EYS: variants seen among roughly 807,000 people sequenced by gnomAD.
The protein encoded by EYS is EGF-like photoreceptor maintenance factor.
EYS carries 250 observed loss-of-function variants against 282.1 expected under a neutral mutation model. The ratio of observed to expected loss-of-function variants is 0.89; its 90% CI spans 0.80 to 0.98. EYS has a LOEUF of 0.98. Among genes scored for constraint, EYS ranks in the 50% least tolerant of loss-of-function variants. The probability of loss-of-function intolerance (pLI) is 0.00; values close to 1 mark genes in which losing one functional copy is unlikely to be tolerated. For synonymous variants in EYS, 1,355 were observed against 1,282.9 expected (o/e 1.06, Z -1.20); for missense variants, 4,016 against 3,709.0 (o/e 1.08, Z -2.15).
At chr6:64,159,843 T>A (rs1156673096) in intron 31 of EYS, among the ~76,000 whole-genome samples, 3 of 152,190 alleles carry the variant, frequency 2.0e-5, no homozygotes, top group African/African-American at 7.2e-5. Context: ...AGATAACACC[T>A]GGTTAAAGGT....
intron 33 of EYS, among the ~76,000 whole-genome samples, chr6:64,001,523 G>A (rs1768092709): frequency 6.6e-6 from 1 of 151,744 alleles, no homozygotes; most frequent in African/African-American, 2.4e-5. Context: ...CAATATTGGT[G>A]GAAACATTCT....
chr6:64,230,686 A>T lies in EYS; in HGVS notation c.6330T>A (p.Asn2110Lys). Residue 2110 changes from asparagine (N) to lysine (K), a missense_variant, in exon 31 of 43, where the codon AAT (asparagine) becomes AAA (lysine). Asn to Lys is a moderately conservative substitution (Grantham distance 94). Coordinates refer to ENST00000503581, the MANE Select transcript of EYS (RefSeq NM_001142800.2). Reference protein sequence around the residue: ...PSVCQQDVCHNGGTCHAIFLS... With the variant: ...PSVCQQDVCHKGGTCHAIFLS... ...GGAAGATGGCATGGCATGTGCCTCC[A>T]TTGTGGCATACATCCTGCTGGCACA... The T allele has an allele frequency of 6.4e-7, 1 of 1,551,608 alleles. No homozygotes were observed. The highest frequency in any genetic ancestry group is 1.2e-5 in the South Asian group (1 of 84,062).
chr6:65,628,471 C>G (rs1766797906), intron 2 of EYS, among the ~76,000 whole-genome samples: 1 of 152,178 alleles, frequency 6.6e-6, no homozygotes, highest in South Asian at 2.1e-4. Context: ...CTGGGGTCCC[C>G]TTCCACAGTG....
chr6:63,829,952 G>C (rs1345680964), intron 36 of EYS, among the ~76,000 whole-genome samples: 2 of 152,146 alleles, frequency 1.3e-5, no homozygotes, highest in Non-Finnish European at 2.9e-5. Context: ...AGGAAAACAG[G>C]GTCTGGAGTC....
At chr6:64,007,906 T>C (rs551582435) in intron 33 of EYS, among the ~76,000 whole-genome samples, 2 of 152,284 alleles carry the variant, frequency 1.3e-5, no homozygotes, top group Non-Finnish European at 2.9e-5. Flanking sequence ...TTATGGCCAA[T>C]TTTGTCATTT....
chr6:64,816,493 G>A (rs1028354272), intron 21 of EYS, among the ~76,000 whole-genome samples: 1 of 151,940 alleles, frequency 6.6e-6, no homozygotes, highest in Non-Finnish European at 1.5e-5. Flanking sequence ...CACTTGTTTT[G>A]CTCTTCTGAT....
At chr6:65,423,034 C>T (rs1767525667) in intron 5 of EYS, among the ~76,000 whole-genome samples, 2 of 151,478 alleles carry the variant, frequency 1.3e-5, no homozygotes, top group African/African-American at 2.4e-5. Context: ...ATTGCTAAAA[C>T]TAAACACAAC....
Position 64,881,717 on chromosome 6 carries a change from T to A in EYS, c.2992+4980A>T, listed in dbSNP as rs751193563. On this transcript the variant is annotated intron_variant, in intron 19 of 42. Transcript: ENST00000503581. ...TGCAATTGCATTCTGCGTCCATTCA[T>A]GGTTATAACTCAATAAAATAAGATA... Among the ~76,000 whole-genome samples, 9 of 151,908 alleles carry A rather than the reference T, an allele frequency of 5.9e-5. No homozygotes were observed. In the East Asian group the frequency reaches 1.2e-3, roughly 20 times the overall value.
chr6:64,585,708 G>A (rs961424949), intron 26 of EYS, among the ~76,000 whole-genome samples: 2 of 151,848 alleles, frequency 1.3e-5, no homozygotes. Context: ...GCATTTTCTG[G>A]AGCAATATAA....
rs1769414948 is a variant in EYS, at chr6:65,319,611, T to G, written c.1766+15369A>C. Reference sequence around the variant, plus strand: ...TGATGTCCAAACAGGAGTTTAAAATTTCTTCTGTATAATCATGGAACATTC... The same window carrying G: ...TGATGTCCAAACAGGAGTTTAAAATGTCTTCTGTATAATCATGGAACATTC... On this transcript the variant is annotated intron_variant, in intron 11 of 42. Coordinates refer to ENST00000503581, the MANE Select transcript of EYS (RefSeq NM_001142800.2). 2.0e-5 allele frequency among the ~76,000 whole-genome samples: 3 copies of G among 152,172 alleles called. No individual in the cohort carries two copies. In the South Asian group the frequency reaches 6.2e-4, roughly 31 times the overall value.
At chr6:64,394,577 T>C (rs1773289690) in intron 28 of EYS, among the ~76,000 whole-genome samples, 1 of 152,016 alleles carries the variant, frequency 6.6e-6, no homozygotes, top group South Asian at 2.1e-4. Flanking sequence ...TGGCTAGCCA[T>C]ATGTAGAAAG....
intron 24 of EYS, among the ~76,000 whole-genome samples, chr6:64,615,135 CTACACTCTATG>C (rs1767233632): frequency 6.6e-6 from 1 of 152,064 alleles, no homozygotes; most frequent in African/African-American, 2.4e-5. Context: ...TCATGTTCAC[CTACACTCTATG>C]TACACACTTC....
intron 12 of EYS, among the ~76,000 whole-genome samples, chr6:65,144,964 T>A (rs899918549): frequency 2.0e-5 from 3 of 151,848 alleles, no homozygotes; most frequent in African/African-American, 7.3e-5. Context: ...AGAGACGGGG[T>A]TTCACCATGT....
At chr6:64,257,964 T>A (rs901523563) in intron 30 of EYS, among the ~76,000 whole-genome samples, 4 of 151,978 alleles carry the variant, frequency 2.6e-5, no homozygotes, top group African/African-American at 9.7e-5. Flanking sequence ...TGAGATTCAG[T>A]GCAAGTTTTC....
Position 65,295,845 on chromosome 6 carries a change from A to AG in EYS, c.2023+17dup. Reference sequence around the variant, plus strand: ...TATTTACTAGAAAATTTAATTTATCAGGAAAAAAAAAACTTGCCTTTAAAT... The same window carrying AG: ...TATTTACTAGAAAATTTAATTTATCAGGGAAAAAAAAAACTTGCCTTTAAAT... On this transcript the variant is annotated intron_variant, in intron 12 of 42. Coordinates refer to ENST00000503581, the MANE Select transcript of EYS (RefSeq NM_001142800.2). The AG allele has an allele frequency of 7.7e-7, 1 of 1,298,600 alleles. No homozygotes were observed. Among genetic ancestry groups the AG allele is most frequent in the Non-Finnish European group, 1.0e-6 (1 of 956,740 alleles). 80.4% of individuals were successfully genotyped at this position (1,298,600 alleles called of 1,614,324 possible).
intron 15 of EYS, among the ~76,000 whole-genome samples, chr6:64,941,664 C>T (rs982430703): frequency 3.9e-5 from 6 of 151,956 alleles, no homozygotes; most frequent in Non-Finnish European, 7.4e-5. Flanking sequence ...TTTATGTCCA[C>T]GAGTACCCAG....
At chr6:63,890,106 T>C (rs998604160) in intron 35 of EYS, among the ~76,000 whole-genome samples, 5 of 152,164 alleles carry the variant, frequency 3.3e-5, no homozygotes, top group Admixed American at 2.0e-4. Flanking sequence ...GCACCCAGAT[T>C]CATAAAGCAA....
chr6:63,998,842 A>G (rs144219941), intron 34 of EYS, among the ~76,000 whole-genome samples: 1,524 of 151,540 alleles, frequency 0.01, 29 homozygotes, highest in African/African-American at 0.034. Context: ...CCAAAGTGTG[A>G]AAGGAAAATC....
At chr6:65,291,601 C>T (rs1453456767) in intron 12 of EYS, among the ~76,000 whole-genome samples, 1 of 151,466 alleles carries the variant, frequency 6.6e-6, no homozygotes, top group African/African-American at 2.4e-5. Flanking sequence ...GGAGGTTGTT[C>T]TTTCCATGAC....
Sources: gnomAD v4.1 joint callset for allele counts (sites outside exome capture counted in the v4.1 genomes callset) on GRCh38, gnomAD v4.1.1 for gene constraint, MANE v1.5 for transcripts, NCBI Gene and HGNC (gene_info 2026-07-23, HGNC 2026-07-21) for gene names.